The following VIPAS39 variants were observed in gnomAD, a reference collection of about 807,000 sequenced individuals.
The protein encoded by VIPAS39 is VPS33B interacting protein, apical-basolateral polarity regulator, spe-39 homolog, also known as spermatogenesis-defective protein 39 homolog.
A neutral mutation model predicts 84.7 loss-of-function variants in VIPAS39; 63 were observed. The ratio of observed to expected loss-of-function variants is 0.74; its 90% confidence interval spans 0.61 to 0.92. VIPAS39 has a LOEUF of 0.92. Ranked by LOEUF, VIPAS39 falls within the 40% of genes least tolerant of loss-of-function variation. VIPAS39 has a pLI of 0.00. For missense variants in VIPAS39, 499 were observed against 604.5 expected (o/e 0.83, Z 1.83); for synonymous variants, 192 against 216.5 (o/e 0.89, Z 0.99).
At chr14:77,436,967 G>T (rs2078622430) in intron 12 of VIPAS39, among the ~76,000 whole-genome samples, 1 of 152,312 alleles carries the variant, frequency 6.6e-6, no homozygotes, top group South Asian at 2.1e-4. Flanking sequence ...ATTTTTAGAA[G>T]AGATAAAGAG....
At chr14:77,454,282 A>ATCATACTT (rs973014621) in intron 1 of VIPAS39, among the ~76,000 whole-genome samples, 180 bp from the exon 2 acceptor site, 1 of 152,220 alleles carries the variant, frequency 6.6e-6, no homozygotes, top group Non-Finnish European at 1.5e-5. Flanking sequence ...AACTGATCAA[A>ATCATACTT]TCATACTTCT....
In VIPAS39 at chr14:77,428,438, C is replaced by T. The variant is rs138274958; in HGVS notation, c.1393G>A (p.Ala465Thr). Residue 465 changes from alanine to threonine, a missense_variant, in exon 19 of 20, where the codon GCA (alanine) becomes ACA (threonine). Transcript: ENST00000557658. Reference sequence around the variant, plus strand: ...CCTTTATCTACCTTACTCCTGTATGCTAGCAACTGTTGACGATCCTTCAGG... The same window carrying T: ...CCTTTATCTACCTTACTCCTGTATGTTAGCAACTGTTGACGATCCTTCAGG... ...RDLKDRQQLLAYRSKVDKGSA... is the reference protein window; with the variant it reads ...RDLKDRQQLLTYRSKVDKGSA... 10 of 1,613,976 alleles carry T rather than the reference C, an allele frequency of 6.2e-6. No individual in the cohort carries two copies. In the African/African-American group the frequency reaches 1.3e-4, roughly 22 times the overall value.
chr14:77,443,503 C>T (rs749355712), intron 8 of VIPAS39, among the ~76,000 whole-genome samples: 5 of 152,000 alleles, frequency 3.3e-5, no homozygotes, highest in Non-Finnish European at 7.4e-5. Flanking sequence ...AATTCCAACA[C>T]TTTGGGAGGC....
At position 77,435,281 on chromosome 14, in the gene VIPAS39, A is replaced by G; in HGVS notation, c.1025T>C (p.Phe342Ser). The change falls in exon 14 of 20, where the codon TTC (phenylalanine) becomes TCC (serine). Residue 342 changes from phenylalanine to serine, a missense_variant. Transcript: ENST00000557658. ...TACCTCAGCCTCTGTGTAGTGATAG[A>G]AGCAGGAGTAGAAAAGTGTTGTCAC... is the stretch of plus-strand genomic sequence containing the variant. ...PLVTTLFYSC[F>S]YHYTEAEGTF... 1 of 1,614,164 alleles carries G rather than the reference A, an allele frequency of 6.2e-7. No individual in the cohort carries two copies. Among genetic ancestry groups the G allele is most frequent in the Non-Finnish European group, 8.5e-7 (1 of 1,180,028 alleles).
chr14:77,448,609 C>G, intron 6 of VIPAS39, 59 bp from the exon 7 acceptor site: 1 of 1,558,346 alleles, frequency 6.4e-7, no homozygotes, highest in Non-Finnish European at 8.8e-7. Context: ...TATCAGCATA[C>G]CCGCTCCTCA....
At chr14:77,454,388 C>T (rs2139902645) in intron 1 of VIPAS39, among the ~76,000 whole-genome samples, 1 of 152,198 alleles carries the variant, frequency 6.6e-6, no homozygotes, top group South Asian at 2.1e-4. Flanking sequence ...TAAAAAAGTG[C>T]CAGAGGCTGG....
intron 3 of VIPAS39, among the ~76,000 whole-genome samples, chr14:77,452,376 A>C (rs1192835651): frequency 3.3e-5 from 5 of 152,176 alleles, no homozygotes; most frequent in African/African-American, 1.2e-4. Flanking sequence ...ATACATAACA[A>C]TATGGAACGG....
chr14:77,448,454 C>T, intron 7 of VIPAS39, 40 bp downstream of exon 7: 1 of 1,603,130 alleles, frequency 6.2e-7, no homozygotes, highest in Non-Finnish European at 8.5e-7. Context: ...ACAAGCTGCC[C>T]AGCTTCCCAA....
intron 16 of VIPAS39, among the ~76,000 whole-genome samples, chr14:77,431,328 C>A (rs985841400): frequency 2.6e-5 from 4 of 152,198 alleles, no homozygotes; most frequent in African/African-American, 7.2e-5. Context: ...AATGCAATAG[C>A]AGAAACAAAA....
intron 4 of VIPAS39, 72 bp from the exon 5 acceptor site, chr14:77,449,824 A>G: frequency 1.3e-6 from 2 of 1,518,362 alleles, no homozygotes; most frequent in Non-Finnish European, 1.8e-6. Flanking sequence ...GGTTAAAGAC[A>G]CAATGTGTAA....
At chr14:77,443,194 C>T (rs1555366547) in intron 8 of VIPAS39, 42 bp from the exon 9 acceptor site, 1 of 1,613,438 alleles carries the variant, frequency 6.2e-7, no homozygotes, top group Non-Finnish European at 8.5e-7. Flanking sequence ...CTTTCCAACA[C>T]AGAGTCATGC....
Position 77,442,607 on chromosome 14 carries a change from G to A in VIPAS39, c.687C>T (p.His229=). ...VRQVALRHLI[H]FLKEIGDQKL... ...TTTGATCCCCTATTTCCTTAAGGAA[G>A]TGAATAAGATGTCTCAGGGCAACCT... The change falls in exon 10 of 20, where the codon CAC becomes CAT. Residue 229 remains histidine, a synonymous_variant. Transcript: ENST00000557658. The A allele has an allele frequency of 1.2e-6, 2 of 1,614,210 alleles. No individual in the cohort carries two copies. The highest frequency in any genetic ancestry group is 1.7e-6 in the Non-Finnish European group (2 of 1,180,026).
intron 13 of VIPAS39, 53 bp from the exon 14 acceptor site, chr14:77,435,446 G>A (rs1406793875): frequency 8.1e-6 from 13 of 1,597,308 alleles, no homozygotes; most frequent in Non-Finnish European, 1.0e-5. Flanking sequence ...CCATGGAGTA[G>A]AGGCAGGAGA....
chr14:77,446,533 C>T (rs563861667), intron 7 of VIPAS39, among the ~76,000 whole-genome samples: 2 of 152,132 alleles, frequency 1.3e-5, no homozygotes, highest in African/African-American at 2.4e-5. Flanking sequence ...TTGATCTGTA[C>T]ATTCAAGGCA....
chr14:77,427,504 G>GT lies in VIPAS39; in HGVS notation c.*111_*112insA. 7.5e-7 allele frequency: 1 copy of GT among 1,330,300 alleles called. No individual in the cohort carries two copies. The highest frequency in any genetic ancestry group is 1.1e-6 in the Non-Finnish European group (1 of 924,818). 82.4% of individuals were successfully genotyped at this position (1,330,300 alleles called of 1,614,324 possible). A position where few individuals can be genotyped will look rare whatever the true frequency, so the allele number is the denominator to read the frequency against. On this transcript the variant is annotated 3_prime_UTR_variant, in exon 20 of 20. Transcript: ENST00000557658. Reference sequence around the variant, plus strand: ...GTCAAGAGTAGCTGGCACTGCCCATGGGTAATGGGCCCAAGCGATGTGATG... The same window carrying GT: ...GTCAAGAGTAGCTGGCACTGCCCATGTGGTAATGGGCCCAAGCGATGTGATG...
At chr14:77,450,061 T>G (rs1433505296) in intron 4 of VIPAS39, among the ~76,000 whole-genome samples, 1 of 152,174 alleles carries the variant, frequency 6.6e-6, no homozygotes, top group African/African-American at 2.4e-5. Context: ...TCTCCAGAAC[T>G]TTTTCATCAT....
intron 6 of VIPAS39, among the ~76,000 whole-genome samples, chr14:77,448,755 A>C (rs2078837269): frequency 6.6e-6 from 1 of 152,184 alleles, no homozygotes; most frequent in African/African-American, 2.4e-5. Flanking sequence ...ATAGGAGGAG[A>C]TGGATCAAAG....
intron 16 of VIPAS39, among the ~76,000 whole-genome samples, chr14:77,431,467 A>C (rs556012464): frequency 6.6e-6 from 1 of 152,338 alleles, no homozygotes; most frequent in South Asian, 2.1e-4. Context: ...AATCAAAACT[A>C]TAATAAGATA....
chr14:77,427,642 G>C lies in VIPAS39; in HGVS notation c.1462-6C>G, dbSNP rs2078450258. ...TAATTCTTCCATCGAATTTGCTGTG[G>C]AAAGAGGAAACAATGAAAGTGTGTG... On this transcript the variant is annotated splice_polypyrimidine_tract_variant and splice_region_variant and intron_variant, in intron 19 of 19. Coordinates refer to ENST00000557658, the MANE Select transcript of VIPAS39 (RefSeq NM_001193315.2). 6.2e-7 allele frequency: 1 copy of C among 1,614,050 alleles called. No individual in the cohort carries two copies. The highest frequency in any genetic ancestry group is 1.3e-5 in the African/African-American group (1 of 74,920).
Sources: gnomAD v4.1 joint callset for allele counts (sites outside exome capture counted in the v4.1 genomes callset) on GRCh38, gnomAD v4.1.1 for gene constraint, MANE v1.5 for transcripts, NCBI Gene and HGNC (gene_info 2026-07-23, HGNC 2026-07-21) for gene names.